The following MS4A13 variants were observed in gnomAD, a reference collection of about 807,000 sequenced individuals.
MS4A13 encodes the protein membrane-spanning 4-domains subfamily A member 13.
In MS4A13, 21 loss-of-function variants were observed where a neutral mutation model predicts 18.4. The observed-to-expected ratio is 1.14, with a 90% CI of 0.81 to 1.64. MS4A13 has a LOEUF of 1.64. MS4A13 is among the 40% of genes most tolerant of loss of function. The probability of loss-of-function intolerance (pLI) is 0.00; values close to 1 mark genes in which losing one functional copy is unlikely to be tolerated. For synonymous variants in MS4A13, 62 were observed against 57.2 expected (o/e 1.08, Z -0.38); for missense variants, 173 against 176.8 (o/e 0.98, Z 0.12).
chr11:60,532,324 G>A (rs542270567), intron 6 of MS4A13, among the ~76,000 whole-genome samples: 38 of 152,322 alleles, frequency 2.5e-4, no homozygotes, highest in Admixed American at 7.8e-4. Context: ...CGCACCGTGC[G>A]CGAGCCGAAG....
intron 3 of MS4A13, among the ~76,000 whole-genome samples, chr11:60,522,250 A>C (rs1206855787): frequency 1.9e-5 from 2 of 106,828 alleles, no homozygotes. Flanking sequence ...ATGTATATAT[A>C]TAGATATATA....
intron 3 of MS4A13, among the ~76,000 whole-genome samples, chr11:60,522,230 AGATAGATAGATG>A (rs1565210898): frequency 8.0e-6 from 1 of 124,840 alleles, no homozygotes. Context: ...ATAGATAGAT[AGATAGATAGATG>A]TATATATATA....
chr11:60,524,911 C>T (rs1302466159), intron 4 of MS4A13, among the ~76,000 whole-genome samples: 1 of 152,206 alleles, frequency 6.6e-6, no homozygotes, highest in African/African-American at 2.4e-5. Context: ...CCACCCGTCT[C>T]GGCCTCCCAA....
At chr11:60,521,614 C>T (rs538016455) in intron 3 of MS4A13, among the ~76,000 whole-genome samples, 91 of 152,286 alleles carry the variant, frequency 6.0e-4, no homozygotes, top group African/African-American at 2.1e-3. Context: ...CCACCTCAGC[C>T]TTGATTTCAT....
chr11:60,515,765 TAGAG>T (rs755810815), intron 1 of MS4A13, 158 bp downstream of exon 1: 1 of 152,162 alleles, frequency 6.6e-6, no homozygotes, highest in Non-Finnish European at 1.5e-5. Context: ...GTTTTAGTCA[TAGAG>T]AGAGACTTTT....
chr11:60,528,437 T>A (rs1046351198), intron 5 of MS4A13, among the ~76,000 whole-genome samples: 3 of 152,176 alleles, frequency 2.0e-5, no homozygotes, highest in African/African-American at 4.8e-5. Context: ...ATTGAGCAAG[T>A]TTTTATCCAT....
chr11:60,535,350 C>G (rs1333312411), intron 6 of MS4A13, among the ~76,000 whole-genome samples: 1 of 72,836 alleles, frequency 1.4e-5, no homozygotes, highest in African/African-American at 6.1e-5. Flanking sequence ...ATATCACCAC[C>G]AATCCCACAG....
chr11:60,523,946 G>T lies in MS4A13; in HGVS notation c.179G>T (p.Arg60Leu), dbSNP rs140128891. 1.8e-5 allele frequency: 28 copies of T among 1,526,080 alleles called. No individual in the cohort carries two copies. Among genetic ancestry groups the T allele is most frequent in the Non-Finnish European group, 2.1e-5 (23 of 1,101,272 alleles). The allele number at this position is 1,526,080 out of a possible 1,614,324, so 94.5% of individuals were successfully genotyped here. A position where few individuals can be genotyped will look rare whatever the true frequency, so the allele number is the denominator to read the frequency against. ...ATAAGAGTAACAAAGTATCCGACTC[G>T]ATCTGGAGTAAGTTGAAATGTTTGA... The part of the protein sequence containing the change: ...FLIRVTKYPT[R>L]SGIISTLIIN... The change falls in exon 4 of 7, where the codon CGA becomes CTA. Residue 60 changes from arginine (R) to leucine (L), a missense_variant. Arg to Leu is a moderately radical substitution (Grantham distance 102). Transcript: ENST00000378186.
At chr11:60,527,398 CTCTCTCTCTCTCTGTG>C (rs2086724171) in intron 5 of MS4A13, among the ~76,000 whole-genome samples, 2 of 93,294 alleles carry the variant, frequency 2.1e-5, no homozygotes, top group Non-Finnish European at 4.2e-5. Flanking sequence ...CTCTCTCTCT[CTCTCTCTCTCTCTGTG>C]TGTGTGTGTG....
chr11:60,529,906 A>G (rs2086752001), intron 6 of MS4A13, among the ~76,000 whole-genome samples: 1 of 152,168 alleles, frequency 6.6e-6, no homozygotes, highest in Non-Finnish European at 1.5e-5. Flanking sequence ...GCATTCCCTA[A>G]TTACTGCATA....
intron 6 of MS4A13, among the ~76,000 whole-genome samples, chr11:60,538,030 G>T (rs1441796436): frequency 8.2e-6 from 1 of 121,440 alleles, no homozygotes; most frequent in Non-Finnish European, 1.7e-5. Flanking sequence ...ACTGTGGTGG[G>T]GTCGGGGGAG....
intron 6 of MS4A13, among the ~76,000 whole-genome samples, chr11:60,530,684 C>T (rs917591516): frequency 4.6e-5 from 7 of 152,304 alleles, no homozygotes; most frequent in Non-Finnish European, 5.9e-5. Context: ...TGTTCCCACT[C>T]TTCCCACCTG....
chr11:60,542,132 C>T (rs1434250905), intron 6 of MS4A13, among the ~76,000 whole-genome samples: 1 of 102,436 alleles, frequency 9.8e-6, no homozygotes, highest in South Asian at 3.1e-4. Flanking sequence ...AAAAAAAAAA[C>T]CCAAGGAAGG....
chr11:60,532,480 G>T (rs924259724), intron 6 of MS4A13, among the ~76,000 whole-genome samples: 1 of 152,206 alleles, frequency 6.6e-6, no homozygotes, highest in African/African-American at 2.4e-5. Context: ...AAAAAACGGC[G>T]CACCAGGAGA....
chr11:60,539,014 T>C (rs1222703979), intron 6 of MS4A13, among the ~76,000 whole-genome samples: 1 of 128,328 alleles, frequency 7.8e-6, no homozygotes, highest in Non-Finnish European at 1.6e-5. Flanking sequence ...AGGAACTGAG[T>C]TCTGCAAACA....
intron 5 of MS4A13, among the ~76,000 whole-genome samples, chr11:60,529,074 A>C (rs2086741474): frequency 6.6e-6 from 1 of 152,230 alleles, no homozygotes; most frequent in Admixed American, 6.5e-5. Context: ...GAGCTGTGCC[A>C]GCGACTCTGT....
Position 60,542,557 on chromosome 11 carries a change from A to G in MS4A13, c.441A>G (p.Glu147=), listed in dbSNP as rs1400323502. The change falls in exon 7 of 7, where the codon GAA becomes GAG. Residue 147 remains glutamate (E), a synonymous_variant. Transcript: ENST00000378186. ...ATGATCTTACATCTGTTACTGAGGA[A>G]GCTGAGAGCACTCCTTAAAAACCCT... ...RQNDLTSVTE[E]AESTP The G allele has an allele frequency of 1.2e-6, 2 of 1,610,520 alleles. No homozygotes were observed. The highest frequency in any genetic ancestry group is 3.3e-5 in the Admixed American group (2 of 59,846).
chr11:60,538,431 CAAAGA>C (rs904902469), intron 6 of MS4A13, among the ~76,000 whole-genome samples: 12 of 151,188 alleles, frequency 7.9e-5, no homozygotes, highest in Admixed American at 4.6e-4. Flanking sequence ...GTTTTCATCA[CAAAGA>C]AAAGTAGTAA....
At chr11:60,530,879 C>T (rs1002216396) in intron 6 of MS4A13, among the ~76,000 whole-genome samples, 30 of 152,022 alleles carry the variant, frequency 2.0e-4, no homozygotes, top group African/African-American at 7.3e-4. Flanking sequence ...GTTCCTCATT[C>T]ACTCAGTCTT....
Sources: allele counts gnomAD v4.1 joint callset (sites outside exome capture counted in the v4.1 genomes callset), GRCh38; gene constraint gnomAD v4.1.1; transcripts MANE v1.5; gene names NCBI Gene and HGNC (gene_info 2026-07-23, HGNC 2026-07-21).